The following INSM1 variants were observed in gnomAD, a reference collection of about 807,000 sequenced individuals.
INSM1 encodes the protein INSM transcriptional repressor 1.
INSM1 carries 11 observed loss-of-function variants against 21.1 expected under a neutral mutation model. That is an observed-to-expected ratio of 0.52 (90% CI 0.33 to 0.86). The LOEUF (loss-of-function observed/expected upper bound fraction) is 0.86, where lower values mean the gene tolerates loss of function less well. Among genes scored for constraint, INSM1 ranks in the 40% least tolerant of loss-of-function variants. The pLI is 0.03. For synonymous variants in INSM1, 473 were observed against 386.1 expected, an observed-to-expected ratio of 1.23 and a Z score of -2.64; for missense variants, 843 against 760.1, an observed-to-expected ratio of 1.11 and a Z score of -1.28.
rs2059488922 is a variant in INSM1, at chr20:20,369,176, C to G, written c.909C>G (p.Val303=). ...VEYRCPECAK[V]FSCPANLASH... ...ACCGCTGTCCCGAGTGCGCCAAGGT[C>G]TTCAGCTGCCCGGCCAACCTGGCCT... Residue 303 remains valine, a synonymous_variant, in exon 1 of 1, where the codon GTC becomes GTG. Coordinates refer to ENST00000310227, the MANE Select transcript of INSM1 (RefSeq NM_002196.3). The surrounding 1 kb of genome is among the most constrained non-coding windows in gnomAD (Gnocchi z 5.6). 1 of 1,568,734 alleles carries G rather than the reference C, an allele frequency of 6.4e-7. No individual in the cohort carries two copies. Among genetic ancestry groups the G allele is most frequent in the East Asian group, 2.5e-5 (1 of 40,662 alleles).
Position 20,368,566 on chromosome 20 carries a change from A to T in INSM1, c.299A>T (p.Tyr100Phe). The change falls in exon 1 of 1, where the codon TAC (tyrosine) becomes TTC (phenylalanine). Residue 100 changes from tyrosine to phenylalanine, a missense_variant. Tyr to Phe is a conservative substitution (Grantham distance 22, BLOSUM62 3). Coordinates refer to ENST00000310227, the MANE Select transcript of INSM1 (RefSeq NM_002196.3). This position sits in a 1 kb window ranked among gnomAD's most constrained non-coding sequence, Gnocchi z 4.3. ...NPEAAHPAPL[Y>F]SPTRPVSREH... ...GAGGCTGCGCACCCCGCGCCGCTCT[A>T]CAGTCCCACGCGGCCCGTGAGCCGC... is the stretch of plus-strand genomic sequence containing the variant. The T allele has an allele frequency of 7.0e-7, 1 of 1,434,922 alleles. No individual in the cohort carries two copies. 88.9% of individuals were successfully genotyped at this position (1,434,922 alleles called of 1,614,324 possible).
chr20:20,369,211 G>T lies in INSM1; in HGVS notation c.944G>T (p.Arg315Leu). The stretch of plus-strand genomic sequence containing the variant: ...CCGGCCAACCTGGCCTCGCACCGCC[G>T]CTGGCACAAACCGCGGCCCGCGCCC... ...SCPANLASHR[R>L]WHKPRPAPAA... The change falls in exon 1 of 1, where the codon CGC becomes CTC. Residue 315 changes from arginine (R) to leucine (L), a missense_variant. By Grantham distance (102) the Arg-to-Leu change is moderately radical (BLOSUM62 -2). Coordinates refer to ENST00000310227, the MANE Select transcript of INSM1 (RefSeq NM_002196.3). This position sits in a 1 kb window ranked among gnomAD's most constrained non-coding sequence, Gnocchi z 5.6. 6.5e-7 allele frequency: 1 copy of T among 1,529,974 alleles called. No homozygotes were observed. Among genetic ancestry groups the T allele is most frequent in the South Asian group, 1.2e-5 (1 of 83,370 alleles). The allele number at this position is 1,529,974 out of a possible 1,614,324, so 94.8% of individuals were successfully genotyped here. A position where few individuals can be genotyped will look rare whatever the true frequency, so the allele number is the denominator to read the frequency against.
Position 20,369,036 on chromosome 20 carries a change from G to T in INSM1, c.769G>T (p.Ala257Ser), listed in dbSNP as rs746473643. ...EGPVEAPRGR[A>S]GGAARPLGEF... The stretch of plus-strand genomic sequence containing the variant: ...CCCGGTGGAGGCGCCGCGGGGCCGC[G>T]CGGGGGGCGCGGCGCGGCCGCTGGG... The change falls in exon 1 of 1, where the codon GCG (alanine) becomes TCG (serine). Residue 257 changes from alanine (A) to serine (S), a missense_variant. Transcript: ENST00000310227. This position sits in a 1 kb window ranked among gnomAD's most constrained non-coding sequence, Gnocchi z 5.6. 6.5e-7 allele frequency: 1 copy of T among 1,539,078 alleles called. No individual in the cohort carries two copies. The highest frequency in any genetic ancestry group is 8.7e-7 in the Non-Finnish European group (1 of 1,149,076).
In INSM1 at chr20:20,369,077, G is replaced by A. The variant is rs2059488407; in HGVS notation, c.810G>A (p.Gln270=). The A allele has an allele frequency of 2.5e-6, 4 of 1,581,056 alleles. No homozygotes were observed. Among genetic ancestry groups the A allele is most frequent in the Non-Finnish European group, 3.4e-6 (4 of 1,168,320 alleles). Residue 270 remains glutamine, a synonymous_variant, in exon 1 of 1, where the codon CAG becomes CAA. Coordinates refer to ENST00000310227, the MANE Select transcript of INSM1 (RefSeq NM_002196.3). This position sits in a 1 kb window ranked among gnomAD's most constrained non-coding sequence, Gnocchi z 5.6. ...AARPLGEFIC[Q]LCKEEYADPF... is the part of the protein sequence containing the mutation. ...GGCCGCTGGGCGAGTTCATCTGCCA[G>A]CTGTGCAAGGAGGAGTACGCCGACC...
In INSM1 at chr20:20,368,975, C is replaced by T. The variant is rs2059487668; in HGVS notation, c.708C>T (p.Thr236=). ...AGCTGCACTTCGAGGACGAGGTGACCACGTCGCCCGTGCTGGGGCTCAAGA... is the reference window on the plus strand; with the variant it reads ...AGCTGCACTTCGAGGACGAGGTGACTACGTCGCCCGTGCTGGGGCTCAAGA... ...IRKLHFEDEV[T]TSPVLGLKIK... The change falls in exon 1 of 1, where the codon ACC becomes ACT. Residue 236 remains threonine, a synonymous_variant. Transcript: ENST00000310227. The surrounding 1 kb of genome is among the most constrained non-coding windows in gnomAD (Gnocchi z 4.3). 1.3e-6 allele frequency: 2 copies of T among 1,552,934 alleles called. No homozygotes were observed. Among genetic ancestry groups the T allele is most frequent in the Non-Finnish European group, 1.7e-6 (2 of 1,152,556 alleles).
chr20:20,369,146 G>T lies in INSM1; in HGVS notation c.879G>T (p.Val293=). 6.3e-7 allele frequency: 1 copy of T among 1,585,054 alleles called. No individual in the cohort carries two copies. ...ACAAATGCTCGCGCATCGTGCGTGT[G>T]GAGTACCGCTGTCCCGAGTGCGCCA... is the stretch of plus-strand genomic sequence containing the variant. The part of the protein sequence containing the change: ...AQHKCSRIVR[V]EYRCPECAKV... Residue 293 remains valine, a synonymous_variant, in exon 1 of 1, where the codon GTG becomes GTT. Coordinates refer to ENST00000310227, the MANE Select transcript of INSM1 (RefSeq NM_002196.3). This position sits in a 1 kb window ranked among gnomAD's most constrained non-coding sequence, Gnocchi z 5.6.
Position 20,369,419 on chromosome 20 carries a change from G to A in INSM1, c.1152G>A (p.Lys384=). 1 of 1,551,474 alleles carries A rather than the reference G, an allele frequency of 6.4e-7. No individual in the cohort carries two copies. The highest frequency in any genetic ancestry group is 8.6e-7 in the Non-Finnish European group (1 of 1,159,922). The part of the protein sequence containing the change: ...KKFRRQAYLR[K]HLLAHHQALQ... The stretch of plus-strand genomic sequence containing the variant: ...TCCGCCGCCAGGCCTACCTACGCAA[G>A]CACCTGCTGGCGCACCACCAGGCGC... The change falls in exon 1 of 1, where the codon AAG becomes AAA. Residue 384 remains lysine, a synonymous_variant. Transcript: ENST00000310227. This position sits in a 1 kb window ranked among gnomAD's most constrained non-coding sequence, Gnocchi z 5.6.
Position 20,369,042 on chromosome 20 carries a change from G to T in INSM1, c.775G>T (p.Gly259Cys). Residue 259 changes from glycine to cysteine, a missense_variant, in exon 1 of 1, where the codon GGC becomes TGC. Gly to Cys is a radical substitution (Grantham distance 159). Coordinates refer to ENST00000310227, the MANE Select transcript of INSM1 (RefSeq NM_002196.3). The surrounding 1 kb of genome is among the most constrained non-coding windows in gnomAD (Gnocchi z 5.6). ...GGAGGCGCCGCGGGGCCGCGCGGGG[G>T]GCGCGGCGCGGCCGCTGGGCGAGTT... ...PVEAPRGRAG[G>C]AARPLGEFIC... is the part of the protein sequence containing the mutation. 1.9e-6 allele frequency: 3 copies of T among 1,545,976 alleles called. No individual in the cohort carries two copies. Among genetic ancestry groups the T allele is most frequent in the Non-Finnish European group, 1.7e-6 (2 of 1,153,120 alleles).
Position 20,369,584 on chromosome 20 carries a change from G to A in INSM1, c.1317G>A (p.Glu439=), listed in dbSNP as rs1254991227. 1.3e-6 allele frequency: 2 copies of A among 1,599,322 alleles called. No homozygotes were observed. Among genetic ancestry groups the A allele is most frequent in the East Asian group, 2.2e-5 (1 of 44,794 alleles). Reference sequence around the variant, plus strand: ...TGCTGGGCCTGAGTGCGTCCGCCGAGTGCCACCTGTGCCCAGTGTGCGGAG... The same window carrying A: ...TGCTGGGCCTGAGTGCGTCCGCCGAATGCCACCTGTGCCCAGTGTGCGGAG... ...AGVLGLSASA[E]CHLCPVCGES... Residue 439 remains glutamate, a synonymous_variant, in exon 1 of 1, where the codon GAG becomes GAA. Transcript: ENST00000310227. This position sits in a 1 kb window ranked among gnomAD's most constrained non-coding sequence, Gnocchi z 5.6.
rs746077325 is a variant in INSM1 at position 20,369,526 on chromosome 20, A to G, written c.1259A>G (p.Gln420Arg). The G allele has an allele frequency of 1.9e-5, 30 of 1,557,772 alleles. No homozygotes were observed. Among genetic ancestry groups the G allele is most frequent in the Admixed American group, 5.6e-5 (3 of 53,174 alleles). The change falls in exon 1 of 1, where the codon CAG becomes CGG. Residue 420 changes from glutamine to arginine, a missense_variant. By Grantham distance (43) the Gln-to-Arg change is conservative. Transcript: ENST00000310227. The surrounding 1 kb of genome is among the most constrained non-coding windows in gnomAD (Gnocchi z 5.6). ...CCCGGGCCCGACGAGAAGGCGCCCC[A>G]GGAGGCGGCCGGCGACGGCGAGGGG... ...LYPGPDEKAPQEAAGDGEGAG... is the reference protein window; with the variant it reads ...LYPGPDEKAPREAAGDGEGAG...
At position 20,368,985 on chromosome 20, in the gene INSM1, G is replaced by T. The variant is rs866257491; in HGVS notation, c.718G>T (p.Val240Leu). The change falls in exon 1 of 1, where the codon GTG becomes TTG. Residue 240 changes from valine to leucine, a missense_variant. Transcript: ENST00000310227. This position sits in a 1 kb window ranked among gnomAD's most constrained non-coding sequence, Gnocchi z 4.3. ...CGAGGACGAGGTGACCACGTCGCCC[G>T]TGCTGGGGCTCAAGATCAAGGAGGG... ...HFEDEVTTSP[V>L]LGLKIKEGPV... is the part of the protein sequence containing the mutation. 1 of 1,548,820 alleles carries T rather than the reference G, an allele frequency of 6.5e-7. No homozygotes were observed. Among genetic ancestry groups the T allele is most frequent in the Non-Finnish European group, 8.7e-7 (1 of 1,150,216 alleles).
In INSM1 at chr20:20,368,132, T is replaced by C. The variant is rs2059482201; in HGVS notation, c.-136T>C. The C allele has an allele frequency of 3.5e-6, 2 of 570,576 alleles. No individual in the cohort carries two copies. The highest frequency in any genetic ancestry group is 1.6e-4 in the South Asian group (2 of 12,544). The allele number at this position is 570,576 out of a possible 1,614,324, so 35.3% of individuals were successfully genotyped here. On this transcript the variant is annotated 5_prime_UTR_variant, in exon 1 of 1. Transcript: ENST00000310227. This position sits in a 1 kb window ranked among gnomAD's most constrained non-coding sequence, Gnocchi z 4.3. ...GGGACGCGCGTGCAGGGCGCAGAGCTGGGCCGAGCCGTCGCCGGCGCCACG... is the reference window on the plus strand; with the variant it reads ...GGGACGCGCGTGCAGGGCGCAGAGCCGGGCCGAGCCGTCGCCGGCGCCACG...
In INSM1 at chr20:20,369,920, G is replaced by A. The variant is rs1413559304; in HGVS notation, c.*120G>A. The A allele has an allele frequency of 2.2e-5, 18 of 822,752 alleles. No individual in the cohort carries two copies. The Admixed American group carries it at 5.3e-4, about 24-fold the overall frequency. The allele number at this position is 822,752 out of a possible 1,614,324, so 51.0% of individuals were successfully genotyped here. A position where few individuals can be genotyped will look rare whatever the true frequency, so the allele number is the denominator to read the frequency against. On this transcript the variant is annotated 3_prime_UTR_variant, in exon 1 of 1. Coordinates refer to ENST00000310227, the MANE Select transcript of INSM1 (RefSeq NM_002196.3). The surrounding 1 kb of genome is among the most constrained non-coding windows in gnomAD (Gnocchi z 5.6). ...GGGGAGCCTCGCCCCCGCCCCCACC[G>A]GGTGAAAGTGTCGTCTCCGCTTCTC... is the stretch of plus-strand genomic sequence containing the variant.
In INSM1 at chr20:20,369,374, C is replaced by G. The variant is rs1427099843; in HGVS notation, c.1107C>G (p.Cys369Trp). Reference sequence around the variant, plus strand: ...GCTCCGAGGACGGGCTCTACGAGTGCCATCACTGCGCCAAGAAGTTCCGCC... The same window carrying G: ...GCTCCGAGGACGGGCTCTACGAGTGGCATCACTGCGCCAAGAAGTTCCGCC... ...ESGSEDGLYE[C>W]HHCAKKFRRQ... The change falls in exon 1 of 1, where the codon TGC becomes TGG. Residue 369 changes from cysteine (C) to tryptophan (W), a missense_variant. Transcript: ENST00000310227. The surrounding 1 kb of genome is among the most constrained non-coding windows in gnomAD (Gnocchi z 5.6). 12 of 1,544,646 alleles carry G rather than the reference C, an allele frequency of 7.8e-6. No individual in the cohort carries two copies. Among genetic ancestry groups the G allele is most frequent in the South Asian group, 2.4e-5 (2 of 84,290 alleles).
At position 20,369,733 on chromosome 20, in the gene INSM1, A is replaced by G. The variant is rs758441285; in HGVS notation, c.1466A>G (p.Asn489Ser). The change falls in exon 1 of 1, where the codon AAC (asparagine) becomes AGC (serine). Residue 489 changes from asparagine (N) to serine (S), a missense_variant. By Grantham distance (46) the Asn-to-Ser change is conservative (BLOSUM62 1). Coordinates refer to ENST00000310227, the MANE Select transcript of INSM1 (RefSeq NM_002196.3). The surrounding 1 kb of genome is among the most constrained non-coding windows in gnomAD (Gnocchi z 5.6). ...TCGCCCGGCCTTACGCGGCACATCA[A>G]CAAGTGCCACCCATCCGAAAACAGA... The part of the protein sequence containing the change: ...YSSPGLTRHI[N>S]KCHPSENRQV... 1 of 1,602,430 alleles carries G rather than the reference A, an allele frequency of 6.2e-7. No homozygotes were observed.
At position 20,368,816 on chromosome 20, in the gene INSM1, G is replaced by C; in HGVS notation, c.549G>C (p.Pro183=). The change falls in exon 1 of 1, where the codon CCG becomes CCC. Residue 183 remains proline, a synonymous_variant. Coordinates refer to ENST00000310227, the MANE Select transcript of INSM1 (RefSeq NM_002196.3). The surrounding 1 kb of genome is among the most constrained non-coding windows in gnomAD (Gnocchi z 4.3). ...FSAGAEAARG[P]GPGPPLPPAA... is the part of the protein sequence containing the mutation. ...CTGGCGCCGAGGCGGCCCGCGGCCC[G>C]GGCCCCGGCCCCCCACTGCCCCCTG... is the stretch of plus-strand genomic sequence containing the variant. 7.2e-6 allele frequency: 8 copies of C among 1,111,050 alleles called. No homozygotes were observed. In the South Asian group the frequency reaches 1.3e-4, roughly 18 times the overall value. The allele number at this position is 1,111,050 out of a possible 1,614,324, so 68.8% of individuals were successfully genotyped here. A position where few individuals can be genotyped will look rare whatever the true frequency, so the allele number is the denominator to read the frequency against.
In INSM1 at chr20:20,370,073, A is replaced by G. The variant is rs1939537740; in HGVS notation, c.*273A>G. 1 of 407,882 alleles carries G rather than the reference A, an allele frequency of 2.5e-6. No individual in the cohort carries two copies. Among genetic ancestry groups the G allele is most frequent in the Non-Finnish European group, 4.5e-6 (1 of 221,752 alleles). The allele number at this position is 407,882 out of a possible 1,614,324, so 25.3% of individuals were successfully genotyped here. A position where few individuals can be genotyped will look rare whatever the true frequency, so the allele number is the denominator to read the frequency against. On this transcript the variant is annotated 3_prime_UTR_variant, in exon 1 of 1. Transcript: ENST00000310227. ...CAGTCTCTTTCTGTACAAGGGAGAA[A>G]AGCTGTACGCGTTTGTCTCGTGGTT...
Position 20,369,958 on chromosome 20 carries a change from G to A in INSM1, c.*158G>A. 1.5e-6 allele frequency: 1 copy of A among 662,172 alleles called. No homozygotes were observed. Among genetic ancestry groups the A allele is most frequent in the Non-Finnish European group, 2.6e-6 (1 of 386,122 alleles). The allele number at this position is 662,172 out of a possible 1,614,324, so 41.0% of individuals were successfully genotyped here. On this transcript the variant is annotated 3_prime_UTR_variant, in exon 1 of 1. Transcript: ENST00000310227. The surrounding 1 kb of genome is among the most constrained non-coding windows in gnomAD (Gnocchi z 5.6). ...GTCTCCGCTTCTCTCGGTGTGGCGT[G>A]ACGGTAACCCCATACTCTCCTTTTG...
Position 20,368,646 on chromosome 20 carries a change from T to C in INSM1, c.379T>C (p.Ser127Pro). ...CAGCTTCAACCTGGGCTCGCCGGTC[T>C]CGGCCGAGTCCTTCCCCACGCCCGC... ...ERSFNLGSPV[S>P]AESFPTPAAL... Residue 127 changes from serine to proline, a missense_variant, in exon 1 of 1, where the codon TCG (serine) becomes CCG (proline). Ser to Pro is a moderately conservative substitution (Grantham distance 74, BLOSUM62 -1). Transcript: ENST00000310227. The surrounding 1 kb of genome is among the most constrained non-coding windows in gnomAD (Gnocchi z 4.3). 7.0e-7 allele frequency: 1 copy of C among 1,435,650 alleles called. No homozygotes were observed. Among genetic ancestry groups the C allele is most frequent in the Non-Finnish European group, 9.3e-7 (1 of 1,079,358 alleles). The allele number at this position is 1,435,650 out of a possible 1,614,324, so 88.9% of individuals were successfully genotyped here.
Sources: gnomAD v4.1 joint callset for allele counts on GRCh38, gnomAD v4.1.1 for gene constraint, Gnocchi (gnomAD v3.1) non-coding constraint, MANE v1.5 for transcripts, NCBI Gene and HGNC (gene_info 2026-07-23, HGNC 2026-07-21) for gene names.